THRB: variants seen among roughly 807,000 people sequenced by gnomAD.
THRB encodes thyroid hormone receptor beta.
A neutral mutation model predicts 47.8 loss-of-function variants in THRB; 12 were observed. The observed-to-expected ratio is 0.25, with a 90% CI of 0.16 to 0.41. THRB has a LOEUF of 0.41. THRB is among the 10% of genes least tolerant of loss of function. The pLI, the probability that THRB is intolerant of heterozygous loss-of-function variation, is 1.00. For missense variants in THRB, 348 were observed against 589.2 expected, an observed-to-expected ratio of 0.59 and a Z score of 4.24; for synonymous variants, 218 against 212.2, an observed-to-expected ratio of 1.03 and a Z score of -0.24.
intron 8 of THRB, among the ~76,000 whole-genome samples, chr3:24,138,995 G>C (rs2035070336): frequency 6.6e-6 from 1 of 152,128 alleles, no homozygotes; most frequent in African/African-American, 2.4e-5. Context: ...GCTGTCAGGG[G>C]CTGCTACTGG....
At chr3:24,316,117 C>T (rs1248761926) in intron 2 of THRB, among the ~76,000 whole-genome samples, 2 of 152,148 alleles carry the variant, frequency 1.3e-5, no homozygotes, top group African/African-American at 4.8e-5. Context: ...GGCCTGGAAG[C>T]TGTCTGCATG....
intron 1 of THRB, among the ~76,000 whole-genome samples, chr3:24,350,845 A>C (rs567775750): frequency 1.1e-4 from 16 of 152,216 alleles, no homozygotes; most frequent in African/African-American, 3.9e-4. Context: ...TCTTTAAGAA[A>C]TATCAATACT....
chr3:24,389,213 T>C lies in THRB; in HGVS notation c.-260-51842A>G, dbSNP rs147479039. Among the ~76,000 whole-genome samples the C allele has an allele frequency of 2.0e-3, 300 of 152,264 alleles. 1 individual carries two copies. The highest frequency in any genetic ancestry group is 6.8e-3 in the African/African-American group (282 of 41,572). Reference sequence around the variant, plus strand: ...CCCCAGGGGTAGTAAGTAGCTCATATCATAGAATTCCTTTACTGACTGAAG... The same window carrying C: ...CCCCAGGGGTAGTAAGTAGCTCATACCATAGAATTCCTTTACTGACTGAAG... On this transcript the variant is annotated intron_variant, in intron 1 of 10. Coordinates refer to ENST00000646209, the MANE Select transcript of THRB (RefSeq NM_001354712.2).
chr3:24,486,335 T>C (rs1697292089), intron 1 of THRB: 1 of 152,178 alleles, frequency 6.6e-6, no homozygotes, highest in Non-Finnish European at 1.5e-5. Context: ...CCCCAGAAGA[T>C]TCCGAGCATC....
intron 3 of THRB, among the ~76,000 whole-genome samples, chr3:24,271,285 C>G (rs115447681): frequency 0.015 from 2,208 of 152,252 alleles, 55 homozygotes; most frequent in African/African-American, 0.05. Flanking sequence ...ACTAAACAAT[C>G]AGAACTTGCT....
At chr3:24,282,955 C>T (rs938625838) in intron 3 of THRB, among the ~76,000 whole-genome samples, 18 of 151,766 alleles carry the variant, frequency 1.2e-4, no homozygotes, top group African/African-American at 3.4e-4. Flanking sequence ...ACCTTACCAA[C>T]GAAAGAGTCC....
At chr3:24,163,565 G>GCC (rs2039213924) in intron 5 of THRB, among the ~76,000 whole-genome samples, 2 of 152,120 alleles carry the variant, frequency 1.3e-5, no homozygotes, top group African/African-American at 4.8e-5. Context: ...ATCCAAGTAT[G>GCC]TTTAATGAGG....
At position 24,121,319 on chromosome 3, in the gene THRB, A is replaced by C. The variant is rs1205646440; in HGVS notation, c.*1565T>G. 6.6e-6 allele frequency: 1 copy of C among 152,634 alleles called. No homozygotes were observed. Among genetic ancestry groups the C allele is most frequent in the Non-Finnish European group, 1.5e-5 (1 of 68,046 alleles). 9.5% of individuals were successfully genotyped at this position (152,634 alleles called of 1,614,324 possible). On this transcript the variant is annotated 3_prime_UTR_variant, in exon 11 of 11. Transcript: ENST00000646209. ...ATGCTCCACCAAACTTACAAAAAGC[A>C]TCTACTTGGTTTCCATAGTGACTTT...
intron 3 of THRB, among the ~76,000 whole-genome samples, chr3:24,232,544 T>C (rs1410582660): frequency 6.6e-6 from 1 of 152,166 alleles, no homozygotes; most frequent in East Asian, 1.9e-4. Context: ...GATTTAACCC[T>C]TTGTTCTCAT....
At chr3:24,248,090 A>G (rs1379551843) in intron 3 of THRB, among the ~76,000 whole-genome samples, 1 of 152,106 alleles carries the variant, frequency 6.6e-6, no homozygotes, top group Non-Finnish European at 1.5e-5. Context: ...TAAAGGTTAC[A>G]TGGTTTCTCA....
At chr3:24,206,874 A>G (rs936331086) in intron 4 of THRB, among the ~76,000 whole-genome samples, 10 of 152,356 alleles carry the variant, frequency 6.6e-5, no homozygotes, top group Admixed American at 6.5e-4. Context: ...AAAAACCTCT[A>G]CACAAATAAA....
chr3:24,173,932 G>A (rs1406213943), intron 5 of THRB, among the ~76,000 whole-genome samples: 1 of 152,104 alleles, frequency 6.6e-6, no homozygotes, highest in Non-Finnish European at 1.5e-5. Context: ...TCTAAACTCA[G>A]TGTGTCAGAT....
At chr3:24,343,335 T>C (rs1228247585) in intron 1 of THRB, among the ~76,000 whole-genome samples, 3 of 152,134 alleles carry the variant, frequency 2.0e-5, no homozygotes, top group Non-Finnish European at 4.4e-5. Context: ...TCTAGAAAGC[T>C]TCTATCATAA....
intron 1 of THRB, among the ~76,000 whole-genome samples, chr3:24,453,634 T>A (rs1267744974): frequency 6.6e-6 from 1 of 152,190 alleles, no homozygotes; most frequent in Non-Finnish European, 1.5e-5. Context: ...AAGTTTATAT[T>A]GGATCACGCC....
chr3:24,232,082 AG>A (rs2048315257), intron 3 of THRB, among the ~76,000 whole-genome samples: 1 of 152,178 alleles, frequency 6.6e-6, no homozygotes, highest in Admixed American at 6.5e-5. Context: ...AGTTAGATCC[AG>A]TGAGGGTCTG....
chr3:24,226,821 C>T (rs2047700650), intron 4 of THRB, among the ~76,000 whole-genome samples: 1 of 152,262 alleles, frequency 6.6e-6, no homozygotes, highest in African/African-American at 2.4e-5. Context: ...TAGTAAACCA[C>T]AGCCAAGTCT....
intron 3 of THRB, among the ~76,000 whole-genome samples, chr3:24,284,926 G>T (rs575151461): frequency 8.7e-4 from 132 of 152,168 alleles, no homozygotes; most frequent in Non-Finnish European, 1.7e-3. Flanking sequence ...AAAAAGTCAG[G>T]AAACAACAGG....
At chr3:24,262,262 ATC>A (rs1475084304) in intron 3 of THRB, among the ~76,000 whole-genome samples, 32 of 152,202 alleles carry the variant, frequency 2.1e-4, no homozygotes, top group African/African-American at 7.7e-4. Flanking sequence ...TACTGTTATC[ATC>A]TCTCACCTGG....
intron 2 of THRB, among the ~76,000 whole-genome samples, chr3:24,319,393 G>A (rs1055247282): frequency 2.0e-5 from 3 of 152,048 alleles, no homozygotes; most frequent in Non-Finnish European, 4.4e-5. Context: ...CAATAAAAAA[G>A]AATAAAATAC....
Sources: gnomAD v4.1 joint callset for allele counts (sites outside exome capture counted in the v4.1 genomes callset) on GRCh38, gnomAD v4.1.1 for gene constraint, MANE v1.5 for transcripts, NCBI Gene and HGNC (gene_info 2026-07-23, HGNC 2026-07-21) for gene names.